The following COBL variants were observed in gnomAD, a reference collection of about 807,000 sequenced individuals.
The protein encoded by COBL is cordon-bleu WH2 repeat protein, also known as protein cordon-bleu.
Under a neutral mutation model 98.8 loss-of-function variants are expected in COBL, and 51 were observed. The observed-to-expected ratio is 0.52, with a 90% CI of 0.41 to 0.65. COBL has a LOEUF of 0.65. COBL is among the 30% of genes least tolerant of loss of function. The pLI, the probability that COBL is intolerant of heterozygous loss-of-function variation, is 0.00. For synonymous variants in COBL, 634 were observed against 651.7 expected, an observed-to-expected ratio of 0.97 and a Z score of 0.41; for missense variants, 1,617 against 1,617.5, an observed-to-expected ratio of 1.00 and a Z score of 0.01.
chr7:51,316,781 G>A lies in COBL; in HGVS notation c.-148C>T, dbSNP rs564099029. On this transcript the variant is annotated 5_prime_UTR_variant, in exon 1 of 13. Coordinates refer to ENST00000265136, the MANE Select transcript of COBL (RefSeq NM_015198.5). ...CCGGCGGAGGACAGCGGCGGAGCGC[G>A]GCGGACGGAAGGGGCTGGAATCGTC... 1.8e-3 allele frequency: 1,080 copies of A among 587,306 alleles called. 2 individuals carry two copies. The highest frequency in any genetic ancestry group is 2.2e-3 in the Non-Finnish European group (915 of 413,094). 36.4% of individuals were successfully genotyped at this position (587,306 alleles called of 1,614,324 possible).
chr7:51,213,559 G>C (rs1487842460), intron 2 of COBL, among the ~76,000 whole-genome samples: 1 of 152,120 alleles, frequency 6.6e-6, no homozygotes. Context: ...TACACAAAGG[G>C]ACACATCAGC....
intron 1 of COBL, among the ~76,000 whole-genome samples, chr7:51,220,638 T>G (rs1793542395): frequency 6.6e-6 from 1 of 152,198 alleles, no homozygotes; most frequent in South Asian, 2.1e-4. Context: ...TCACCCACAC[T>G]GAGGAACATT....
At chr7:51,216,243 C>T (rs1285034606) in intron 2 of COBL, among the ~76,000 whole-genome samples, 1 of 152,188 alleles carries the variant, frequency 6.6e-6, no homozygotes, top group Non-Finnish European at 1.5e-5. Flanking sequence ...TGCACAGGCA[C>T]AATCTCAGCT....
intron 1 of COBL, among the ~76,000 whole-genome samples, chr7:51,221,381 G>A (rs959214294): frequency 6.6e-6 from 1 of 152,148 alleles, no homozygotes; most frequent in Admixed American, 6.5e-5. Flanking sequence ...TGGTCATCAC[G>A]ACATAAATTC....
At chr7:51,054,897 G>A (rs1377777588) in intron 7 of COBL, among the ~76,000 whole-genome samples, 1 of 152,150 alleles carries the variant, frequency 6.6e-6, no homozygotes, top group Non-Finnish European at 1.5e-5. Flanking sequence ...GTAAAACATC[G>A]TTTCCTTTCC....
intron 1 of COBL, among the ~76,000 whole-genome samples, chr7:51,244,619 C>G (rs777481694): frequency 2.6e-5 from 4 of 152,296 alleles, no homozygotes; most frequent in Non-Finnish European, 2.9e-5. Context: ...CCACAGCATG[C>G]TCCAGTTCCA....
intron 5 of COBL, among the ~76,000 whole-genome samples, chr7:51,167,534 A>G (rs192311689): frequency 6.6e-6 from 1 of 152,306 alleles, no homozygotes; most frequent in East Asian, 1.9e-4. Context: ...TGCAATGTCT[A>G]TCAAAATACC....
chr7:51,055,516 C>A (rs1196324730), intron 7 of COBL, among the ~76,000 whole-genome samples: 3 of 152,098 alleles, frequency 2.0e-5, no homozygotes, highest in African/African-American at 7.2e-5. Context: ...ATCCTAAGTT[C>A]TCTGAGAAGA....
At chr7:51,137,276 G>A (rs1036176741) in intron 5 of COBL, among the ~76,000 whole-genome samples, 1 of 152,102 alleles carries the variant, frequency 6.6e-6, no homozygotes, top group Non-Finnish European at 1.5e-5. Context: ...CCTTAGACGA[G>A]GTATTTTTTG....
At chr7:51,238,098 A>ACT (rs1795442023) in intron 1 of COBL, among the ~76,000 whole-genome samples, 1 of 152,258 alleles carries the variant, frequency 6.6e-6, no homozygotes, top group South Asian at 2.1e-4. Flanking sequence ...GCTGACAGCC[A>ACT]GCAGTGACCA....
chr7:51,240,098 A>T (rs1035327922), intron 1 of COBL, among the ~76,000 whole-genome samples: 1 of 152,318 alleles, frequency 6.6e-6, no homozygotes, highest in South Asian at 2.1e-4. Context: ...ACCTTTAAAC[A>T]TGCAAGAACC....
chr7:51,073,477 T>C, intron 7 of COBL: 1 of 566,078 alleles, frequency 1.8e-6, no homozygotes, highest in Middle Eastern at 2.7e-4. Flanking sequence ...CCCCTGGAGA[T>C]TTAACACTGC....
intron 7 of COBL, among the ~76,000 whole-genome samples, chr7:51,059,081 T>C (rs751724448): frequency 2.0e-5 from 3 of 152,364 alleles, no homozygotes; most frequent in East Asian, 1.9e-4. Context: ...CAGGGCTGGC[T>C]TCTACCTTGC....
At chr7:51,044,090 T>C (rs897175170) in intron 7 of COBL, among the ~76,000 whole-genome samples, 1 of 152,222 alleles carries the variant, frequency 6.6e-6, no homozygotes, top group Non-Finnish European at 1.5e-5. Flanking sequence ...ATTAGAGTTT[T>C]TGGAAATATA....
intron 5 of COBL, among the ~76,000 whole-genome samples, chr7:51,153,589 T>G (rs1414028144): frequency 1.3e-5 from 2 of 152,228 alleles, no homozygotes; most frequent in Non-Finnish European, 2.9e-5. Flanking sequence ...GATAGGCTTC[T>G]CTTCTCTTCT....
chr7:51,218,339 G>C (rs142262845), intron 2 of COBL, among the ~76,000 whole-genome samples: 10 of 152,258 alleles, frequency 6.6e-5, no homozygotes, highest in African/African-American at 2.4e-4. Flanking sequence ...CTAAATACTG[G>C]TATTTTAAAA....
At chr7:51,081,650 C>G (rs1793677754) in intron 7 of COBL, among the ~76,000 whole-genome samples, 1 of 152,228 alleles carries the variant, frequency 6.6e-6, no homozygotes, top group African/African-American at 2.4e-5. Context: ...ACCCAGCTCT[C>G]CCATCCTGTG....
intron 9 of COBL, among the ~76,000 whole-genome samples, chr7:51,029,810 G>A (rs1380947250): frequency 6.6e-6 from 1 of 152,176 alleles, no homozygotes; most frequent in Non-Finnish European, 1.5e-5. Flanking sequence ...GATGTTTCAA[G>A]GCAAGGTATT....
chr7:51,099,454 A>G (rs902324127), intron 6 of COBL, among the ~76,000 whole-genome samples: 2 of 152,212 alleles, frequency 1.3e-5, no homozygotes, highest in Non-Finnish European at 1.5e-5. Context: ...TAACTTAGAG[A>G]AACTTTGAAA....
Sources: allele counts gnomAD v4.1 joint callset (sites outside exome capture counted in the v4.1 genomes callset), GRCh38; gene constraint gnomAD v4.1.1; transcripts MANE v1.5; gene names NCBI Gene and HGNC (gene_info 2026-07-23, HGNC 2026-07-21).